Variants in CCSER1 observed in about 807,000 individuals in gnomAD.
CCSER1 encodes serine-rich coiled-coil domain-containing protein 1.
A neutral mutation model predicts 82.0 loss-of-function variants in CCSER1; 41 were observed. The ratio of observed to expected loss-of-function variants is 0.50; its 90% CI spans 0.39 to 0.65. CCSER1 has a LOEUF of 0.65. Among genes scored for constraint, CCSER1 ranks in the 30% least tolerant of loss-of-function variants. The pLI is 0.00. For missense variants in CCSER1, 1,119 were observed against 1,064.2 expected, an observed-to-expected ratio of 1.05 and a Z score of -0.72; for synonymous variants, 414 against 383.9, an observed-to-expected ratio of 1.08 and a Z score of -0.92.
At chr4:91,069,501 T>G in intron 9 of CCSER1, among the ~76,000 whole-genome samples, 1 of 152,172 alleles carries the variant, frequency 6.6e-6, no homozygotes, top group East Asian at 1.9e-4. Flanking sequence ...ATTAGTTTAG[T>G]ATCTACTAAG....
intron 10 of CCSER1, among the ~76,000 whole-genome samples, chr4:91,132,102 T>G (rs1001920452): frequency 6.6e-6 from 1 of 152,106 alleles, no homozygotes; most frequent in African/African-American, 2.4e-5. Flanking sequence ...CAGTGCACTC[T>G]GATATCTTAC....
chr4:91,352,308 G>A (rs112126729), intron 10 of CCSER1, among the ~76,000 whole-genome samples: 2,770 of 152,130 alleles, frequency 0.018, 67 homozygotes, highest in African/African-American at 0.061. Flanking sequence ...GTGCAGTGGC[G>A]CGATCTCCGC....
chr4:90,297,846 A>G (rs898301327), intron 1 of CCSER1, among the ~76,000 whole-genome samples: 88 of 152,206 alleles, frequency 5.8e-4, no homozygotes, highest in African/African-American at 1.7e-3. Context: ...AATGAAGCCC[A>G]CTTGATCATG....
intron 10 of CCSER1, among the ~76,000 whole-genome samples, chr4:91,445,163 T>G (rs1364123897): frequency 1.3e-5 from 2 of 152,200 alleles, no homozygotes; most frequent in Admixed American, 6.5e-5. Context: ...CAATCTCCCC[T>G]TTGCTTCAAC....
At position 90,414,925 on chromosome 4, in the gene CCSER1, A is replaced by G. The variant is rs1016036688; in HGVS notation, c.1603+14796A>G. ...TTTGAGGATATTTTTCTATTCACTT[A>G]TGCATCTTGCAAAATATTTATAACA... On this transcript the variant is annotated intron_variant, in intron 4 of 10. Coordinates refer to ENST00000509176, the MANE Select transcript of CCSER1 (RefSeq NM_001145065.2). Among the ~76,000 whole-genome samples, 15 of 152,254 alleles carry G rather than the reference A, an allele frequency of 9.9e-5. 1 individual carries two copies. Among genetic ancestry groups the G allele is most frequent in the Non-Finnish European group, 2.2e-4 (15 of 68,006 alleles).
intron 5 of CCSER1, among the ~76,000 whole-genome samples, chr4:90,549,440 T>C (rs886340059): frequency 6.6e-6 from 1 of 151,716 alleles, no homozygotes; most frequent in Non-Finnish European, 1.5e-5. Context: ...GCTTTAAGCT[T>C]AGGGTAGTCA....
At chr4:90,129,566 T>C (rs1024848688) in intron 1 of CCSER1, among the ~76,000 whole-genome samples, 1 of 152,216 alleles carries the variant, frequency 6.6e-6, no homozygotes, top group Non-Finnish European at 1.5e-5. Context: ...TTTTCAAATA[T>C]TGAAATTCCA....
intron 8 of CCSER1, among the ~76,000 whole-genome samples, chr4:90,875,234 A>C (rs1767053210): frequency 6.6e-6 from 1 of 152,144 alleles, no homozygotes; most frequent in Admixed American, 6.6e-5. Context: ...ATCAAAGAAA[A>C]GGGGGATGAT....
intron 7 of CCSER1, among the ~76,000 whole-genome samples, chr4:90,765,628 C>T (rs1463578937): frequency 6.6e-6 from 1 of 152,074 alleles, no homozygotes; most frequent in Non-Finnish European, 1.5e-5. Flanking sequence ...TTGTCAGTCA[C>T]TCCACTATAG....
chr4:91,402,752 ATC>A (rs1752424822), intron 10 of CCSER1, among the ~76,000 whole-genome samples: 1 of 145,702 alleles, frequency 6.9e-6, no homozygotes, highest in Non-Finnish European at 1.5e-5. Flanking sequence ...CTATTGGTCT[ATC>A]TCTCTGTTTT....
chr4:90,756,328 T>C (rs1749519819), intron 7 of CCSER1, among the ~76,000 whole-genome samples: 1 of 152,232 alleles, frequency 6.6e-6, no homozygotes, highest in Admixed American at 6.5e-5. Flanking sequence ...CTATGGTTTG[T>C]ATAACTTTGT....
intron 8 of CCSER1, among the ~76,000 whole-genome samples, chr4:90,866,992 C>T (rs1049041455): frequency 6.6e-5 from 10 of 152,008 alleles, no homozygotes; most frequent in Non-Finnish European, 1.5e-4. Context: ...TTGTGTGGCC[C>T]AGTTCCTTAT....
At chr4:91,028,568 T>A (rs1740695189) in intron 9 of CCSER1, among the ~76,000 whole-genome samples, 1 of 151,994 alleles carries the variant, frequency 6.6e-6, no homozygotes. Flanking sequence ...CAATAAATAA[T>A]GTTTTGAATG....
chr4:91,210,174 C>T (rs1420055764), intron 10 of CCSER1, among the ~76,000 whole-genome samples: 1 of 151,420 alleles, frequency 6.6e-6, no homozygotes, highest in African/African-American at 2.4e-5. Flanking sequence ...ACATTGTGCA[C>T]CTAAACAAAT....
intron 3 of CCSER1, among the ~76,000 whole-genome samples, chr4:90,389,345 T>C (rs1397366270): frequency 2.0e-5 from 3 of 152,214 alleles, no homozygotes; most frequent in Non-Finnish European, 4.4e-5. Context: ...TATAGGGCTA[T>C]ATAGCAAGTA....
intron 6 of CCSER1, among the ~76,000 whole-genome samples, chr4:90,721,514 A>G (rs868535723): frequency 6.6e-6 from 1 of 151,966 alleles, no homozygotes; most frequent in African/African-American, 2.4e-5. Context: ...TATCAAAAGC[A>G]GATGAAGCCA....
chr4:91,490,293 A>G (rs1758448323), intron 10 of CCSER1, among the ~76,000 whole-genome samples: 1 of 152,210 alleles, frequency 6.6e-6, no homozygotes, highest in Non-Finnish European at 1.5e-5. Flanking sequence ...CTGCACTGTC[A>G]TGTTTATTGC....
At chr4:90,575,155 T>G (rs1351467373) in intron 5 of CCSER1, among the ~76,000 whole-genome samples, 2 of 152,228 alleles carry the variant, frequency 1.3e-5, no homozygotes, top group Non-Finnish European at 2.9e-5. Flanking sequence ...CCTCGATGAC[T>G]TAGTTAATTT....
chr4:90,725,886 G>A (rs1340134940), intron 7 of CCSER1, among the ~76,000 whole-genome samples: 1 of 151,808 alleles, frequency 6.6e-6, no homozygotes, highest in Non-Finnish European at 1.5e-5. Flanking sequence ...TATCTGAATA[G>A]CTAGGTAACT....
Sources: allele counts gnomAD v4.1 joint callset (sites outside exome capture counted in the v4.1 genomes callset), GRCh38; gene constraint gnomAD v4.1.1; transcripts MANE v1.5; gene names NCBI Gene and HGNC (gene_info 2026-07-23, HGNC 2026-07-21).